The following ZNF148 variants were observed in gnomAD, a reference collection of about 807,000 sequenced individuals.
The protein encoded by ZNF148 is zinc finger protein 148.
Under a neutral mutation model 67.7 loss-of-function variants are expected in ZNF148, and 7 were observed. The ratio of observed to expected loss-of-function variants is 0.10; its 90% confidence interval spans 0.06 to 0.19. The LOEUF is 0.19. Ranked by LOEUF, ZNF148 falls within the 10% of genes least tolerant of loss-of-function variation. The probability of loss-of-function intolerance (pLI) is 1.00; values close to 1 mark genes in which losing one functional copy is unlikely to be tolerated. For missense variants in ZNF148, 583 were observed against 947.1 expected (o/e 0.62, Z 5.05); for synonymous variants, 333 against 330.7 (o/e 1.01, Z -0.08).
intron 7 of ZNF148, among the ~76,000 whole-genome samples, chr3:125,254,703 T>C (rs1208828893): frequency 6.6e-6 from 1 of 152,192 alleles, no homozygotes; most frequent in Non-Finnish European, 1.5e-5. Context: ...TGCATTTTTT[T>C]TTCATTATTT....
chr3:125,288,094 T>C lies in ZNF148; in HGVS notation c.459+9A>G, dbSNP rs762799394. 19 of 1,613,744 alleles carry C rather than the reference T, an allele frequency of 1.2e-5. No homozygotes were observed. The highest frequency in any genetic ancestry group is 3.3e-5 in the Admixed American group (2 of 59,944). ...AGGTTGTGATTACCACCTTAATACATTGTCTTACTTTTGCGGGAGAACGTT... is the reference window on the plus strand; with the variant it reads ...AGGTTGTGATTACCACCTTAATACACTGTCTTACTTTTGCGGGAGAACGTT... On this transcript the variant is annotated intron_variant, in intron 5 of 8. Coordinates refer to ENST00000360647, the MANE Select transcript of ZNF148 (RefSeq NM_021964.3).
At chr3:125,350,557 T>C (rs975040933) in intron 1 of ZNF148, among the ~76,000 whole-genome samples, 3 of 152,008 alleles carry the variant, frequency 2.0e-5, no homozygotes, top group Non-Finnish European at 4.4e-5. Flanking sequence ...GAAGACAATT[T>C]TTCAATGGGT....
chr3:125,259,765 A>C (rs1424169515), intron 7 of ZNF148, among the ~76,000 whole-genome samples: 1 of 152,214 alleles, frequency 6.6e-6, no homozygotes, highest in Non-Finnish European at 1.5e-5. Flanking sequence ...GGGCTACAGT[A>C]GTACTTTTAA....
At chr3:125,245,764 T>C (rs1235212071) in intron 7 of ZNF148, among the ~76,000 whole-genome samples, 1 of 152,230 alleles carries the variant, frequency 6.6e-6, no homozygotes, top group Admixed American at 6.5e-5. Context: ...GCCTATCACA[T>C]AATATCCTCC....
At chr3:125,369,750 A>T (rs1045039690) in intron 1 of ZNF148, among the ~76,000 whole-genome samples, 17 of 152,038 alleles carry the variant, frequency 1.1e-4, no homozygotes, top group Non-Finnish European at 2.9e-5. Context: ...CCAAGGTGGG[A>T]GGATCACCTG....
chr3:125,244,258 CTATAA>C (rs1936495838), intron 7 of ZNF148, among the ~76,000 whole-genome samples: 2 of 152,012 alleles, frequency 1.3e-5, no homozygotes, highest in Non-Finnish European at 2.9e-5. Flanking sequence ...AAAATTTTTA[CTATAA>C]TATATGGGTA....
chr3:125,341,999 CGG>C (rs1272075666), intron 1 of ZNF148, among the ~76,000 whole-genome samples: 3 of 138,828 alleles, frequency 2.2e-5, no homozygotes, highest in African/African-American at 7.9e-5. Flanking sequence ...TGTTTCGGGG[CGG>C]GGGGGGGAAT....
chr3:125,350,377 C>CG (rs1942100359), intron 1 of ZNF148, among the ~76,000 whole-genome samples: 1 of 152,104 alleles, frequency 6.6e-6, no homozygotes, highest in South Asian at 2.1e-4. Flanking sequence ...GTTGGCCAGG[C>CG]GGGTCTCAAA....
intron 2 of ZNF148, among the ~76,000 whole-genome samples, chr3:125,324,778 A>G (rs1409625785): frequency 6.6e-6 from 1 of 152,240 alleles, no homozygotes; most frequent in Non-Finnish European, 1.5e-5. Flanking sequence ...AACTTCAGAA[A>G]GTATAATATT....
At chr3:125,371,343 T>G (rs1442282258) in intron 1 of ZNF148, among the ~76,000 whole-genome samples, 2 of 79,218 alleles carry the variant, frequency 2.5e-5, no homozygotes, top group African/African-American at 5.3e-5. Flanking sequence ...GGTGACAAAG[T>G]GAGACCCTGT....
At chr3:125,329,986 G>A (rs1366275974) in intron 2 of ZNF148, among the ~76,000 whole-genome samples, 2 of 152,140 alleles carry the variant, frequency 1.3e-5, no homozygotes, top group African/African-American at 4.8e-5. Flanking sequence ...ATGGGGAAGG[G>A]TTGGAAAGCC....
intron 3 of ZNF148, 33 bp downstream of exon 3, chr3:125,323,276 T>C (rs1940863977): frequency 1.9e-6 from 1 of 539,038 alleles, no homozygotes. Flanking sequence ...AACTTATTTA[T>C]TCAAGATTAT....
chr3:125,290,742 A>G (rs1217576798), intron 4 of ZNF148, among the ~76,000 whole-genome samples: 1 of 152,148 alleles, frequency 6.6e-6, no homozygotes, highest in Non-Finnish European at 1.5e-5. Flanking sequence ...CTTAAAATGT[A>G]CGTGCAGGGT....
chr3:125,230,516 A>C lies in ZNF148; in HGVS notation c.*1825T>G, dbSNP rs1421726197. The C allele has an allele frequency of 6.6e-6, 1 of 152,588 alleles. No homozygotes were observed. The highest frequency in any genetic ancestry group is 1.5e-5 in the Non-Finnish European group (1 of 68,016). The allele number at this position is 152,588 out of a possible 1,614,324, so 9.5% of individuals were successfully genotyped here. The stretch of plus-strand genomic sequence containing the variant: ...CAAAGTATACAGGAAACCACATTAA[A>C]TATAATTTATATTCCTTATCATAAA... On this transcript the variant is annotated 3_prime_UTR_variant, in exon 9 of 9. Coordinates refer to ENST00000360647, the MANE Select transcript of ZNF148 (RefSeq NM_021964.3).
chr3:125,234,171 A>C, intron 8 of ZNF148, 40 bp downstream of exon 8: 1 of 1,369,894 alleles, frequency 7.3e-7, no homozygotes, highest in Non-Finnish European at 1.0e-6. Flanking sequence ...TTATTGTATA[A>C]TTTAATTACA....
At chr3:125,293,136 C>T (rs1308886339) in intron 4 of ZNF148, among the ~76,000 whole-genome samples, 3 of 152,072 alleles carry the variant, frequency 2.0e-5, no homozygotes, top group South Asian at 2.1e-4. Flanking sequence ...ATGGTAAATA[C>T]TGATACATAT....
In ZNF148 at chr3:125,352,721, C is replaced by T. The variant is rs185469388; in HGVS notation, c.-233-21483G>A. ...AACTATAGGTTTATTCAATTCCTAT[C>T]AAACTCCCAGCAAGATTTTTTTTGT... On this transcript the variant is annotated intron_variant, in intron 1 of 8. Coordinates refer to ENST00000360647, the MANE Select transcript of ZNF148 (RefSeq NM_021964.3). 1.2e-3 allele frequency among the ~76,000 whole-genome samples: 182 copies of T among 148,818 alleles called. 1 individual carries two copies. The highest frequency in any genetic ancestry group is 4.4e-3 in the African/African-American group (177 of 40,620).
intron 7 of ZNF148, among the ~76,000 whole-genome samples, chr3:125,256,564 T>C (rs187885738): frequency 2.0e-5 from 3 of 152,096 alleles, no homozygotes; most frequent in African/African-American, 7.2e-5. Context: ...TAATCCCAGC[T>C]ACTCGGGAGG....
chr3:125,374,296 T>G (rs1480246712), intron 1 of ZNF148, among the ~76,000 whole-genome samples: 1 of 152,128 alleles, frequency 6.6e-6, no homozygotes, highest in Non-Finnish European at 1.5e-5. Flanking sequence ...GGAATAACTC[T>G]TCAGTACTTA....
Sources: gnomAD v4.1 joint callset for allele counts (sites outside exome capture counted in the v4.1 genomes callset) on GRCh38, gnomAD v4.1.1 for gene constraint, MANE v1.5 for transcripts, NCBI Gene and HGNC (gene_info 2026-07-23, HGNC 2026-07-21) for gene names.